The following NRXN3 variants were observed in gnomAD, a reference collection of about 807,000 sequenced individuals.
NRXN3 encodes the protein neurexin 3.
Under a neutral mutation model 137.6 loss-of-function variants are expected in NRXN3, and 32 were observed. That is an observed-to-expected ratio of 0.23 (90% CI 0.18 to 0.31). NRXN3 has a LOEUF of 0.31. Among genes scored for constraint, NRXN3 ranks in the 10% least tolerant of loss-of-function variants. The pLI, the probability that NRXN3 is intolerant of heterozygous loss-of-function variation, is 1.00. For synonymous variants in NRXN3, 798 were observed against 784.5 expected, an observed-to-expected ratio of 1.02 and a Z score of -0.29; for missense variants, 1,574 against 2,062.5, an observed-to-expected ratio of 0.76 and a Z score of 4.59.
At chr14:78,757,496 C>G (rs1208100955) in intron 8 of NRXN3, among the ~76,000 whole-genome samples, 2 of 151,850 alleles carry the variant, frequency 1.3e-5, no homozygotes, top group East Asian at 1.9e-4. Flanking sequence ...TTAGGAAAGG[C>G]TAGGCCTCAG....
At chr14:78,191,982 A>T (rs575257557) in intron 1 of NRXN3, among the ~76,000 whole-genome samples, 13 of 152,006 alleles carry the variant, frequency 8.6e-5, no homozygotes, top group African/African-American at 2.9e-4. Context: ...GAGGTACAAA[A>T]TCCTGGTATT....
At chr14:78,816,346 T>C (rs1227905887) in intron 10 of NRXN3, among the ~76,000 whole-genome samples, 2 of 152,154 alleles carry the variant, frequency 1.3e-5, no homozygotes, top group Non-Finnish European at 2.9e-5. Context: ...CCTATGAGTA[T>C]ACAACATATA....
intron 4 of NRXN3, among the ~76,000 whole-genome samples, chr14:78,412,003 A>G (rs1328079982): frequency 6.6e-6 from 1 of 152,164 alleles, no homozygotes; most frequent in Non-Finnish European, 1.5e-5. Context: ...TCTATTTCTC[A>G]ATTTCTTATT....
At chr14:79,695,128 C>A (rs1409950939) in intron 18 of NRXN3, among the ~76,000 whole-genome samples, 1 of 151,854 alleles carries the variant, frequency 6.6e-6, no homozygotes, top group Non-Finnish European at 1.5e-5. Flanking sequence ...CTTGAACAGG[C>A]AAAGAGCACT....
rs1487805814 is a variant in NRXN3, at chr14:78,452,924, A to C, written c.757+155064A>C. On this transcript the variant is annotated intron_variant, in intron 4 of 20. Transcript: ENST00000335750. ...TAGAAAAAAAATAAGTGGCTACTTC[A>C]TAAAATATGTTAATTAACCATTGAT... is the stretch of plus-strand genomic sequence containing the variant. Among the ~76,000 whole-genome samples the C allele has an allele frequency of 2.6e-5, 4 of 152,386 alleles. No individual in the cohort carries two copies. The East Asian group carries it at 7.7e-4, about 29-fold the overall frequency.
At chr14:79,656,614 C>G (rs1309972277) in intron 16 of NRXN3, among the ~76,000 whole-genome samples, 1 of 145,676 alleles carries the variant, frequency 6.9e-6, no homozygotes, top group East Asian at 2.0e-4. Context: ...CTCTCTCTCT[C>G]TCTTTTTTTT....
At position 78,419,961 on chromosome 14, in the gene NRXN3, G is replaced by GCGCGCACACACACACACA. The variant is rs1555518606; in HGVS notation, c.757+122102_757+122103insGCGCACACACACACACAC. ...CACGTGTGTGCGCGCGCGCGCGCAC[G>GCGCGCACACACACACACA]CACACACACACACACACACACACAC... On this transcript the variant is annotated intron_variant, in intron 4 of 20. Coordinates refer to ENST00000335750, the MANE Select transcript of NRXN3 (RefSeq NM_001330195.2). Among the ~76,000 whole-genome samples the GCGCGCACACACACACACA allele has an allele frequency of 7.1e-3, 351 of 49,230 alleles. 2 individuals are homozygous for GCGCGCACACACACACACA. The highest frequency in any genetic ancestry group is 0.015 in the African/African-American group (333 of 22,452). The allele number at this position is 49,230 out of a possible 152,430, so 32.3% of individuals were successfully genotyped here. A position where few individuals can be genotyped will look rare whatever the true frequency, so the allele number is the denominator to read the frequency against.
chr14:78,911,523 G>A (rs532970641), intron 10 of NRXN3, among the ~76,000 whole-genome samples: 1 of 152,304 alleles, frequency 6.6e-6, no homozygotes, highest in South Asian at 2.1e-4. Flanking sequence ...CCACAGAGCT[G>A]AGGACATAAG....
At chr14:79,805,679 T>C (rs2099201776) in intron 20 of NRXN3, among the ~76,000 whole-genome samples, 1 of 152,164 alleles carries the variant, frequency 6.6e-6, no homozygotes, top group Non-Finnish European at 1.5e-5. Flanking sequence ...GAACCAAAAA[T>C]ATATGTATAT....
intron 1 of NRXN3, among the ~76,000 whole-genome samples, chr14:78,238,978 T>C (rs2066718733): frequency 6.6e-6 from 1 of 152,260 alleles, no homozygotes; most frequent in Admixed American, 6.5e-5. Flanking sequence ...ACTAAGCATG[T>C]GCTGCTTTGC....
intron 15 of NRXN3, among the ~76,000 whole-genome samples, chr14:79,390,451 T>C (rs994790852): frequency 2.6e-5 from 4 of 152,168 alleles, no homozygotes; most frequent in African/African-American, 9.7e-5. Flanking sequence ...ACAGTGTAAG[T>C]TGAATCATAC....
At chr14:78,543,229 A>G (rs972336974) in intron 4 of NRXN3, among the ~76,000 whole-genome samples, 1 of 152,180 alleles carries the variant, frequency 6.6e-6, no homozygotes, top group African/African-American at 2.4e-5. Context: ...CTAAATTTGT[A>G]TGAATTGATG....
intron 16 of NRXN3, among the ~76,000 whole-genome samples, chr14:79,485,319 G>A (rs1351871809): frequency 1.3e-5 from 2 of 152,108 alleles, no homozygotes; most frequent in Non-Finnish European, 2.9e-5. Flanking sequence ...CCATCCTTAA[G>A]AGAGTAAAGA....
chr14:78,340,862 G>A (rs944464459), intron 4 of NRXN3, among the ~76,000 whole-genome samples: 1 of 152,118 alleles, frequency 6.6e-6, no homozygotes. Flanking sequence ...AGCCACATTC[G>A]AAGGCAAACT....
chr14:78,692,632 T>G (rs925284603), intron 6 of NRXN3, among the ~76,000 whole-genome samples: 2 of 152,196 alleles, frequency 1.3e-5, no homozygotes, highest in Non-Finnish European at 2.9e-5. Flanking sequence ...GGGAGTCAGA[T>G]GGACTTGAGT....
chr14:79,856,211 T>G (rs1281747847), intron 20 of NRXN3, among the ~76,000 whole-genome samples: 1 of 152,158 alleles, frequency 6.6e-6, no homozygotes, highest in African/African-American at 2.4e-5. Context: ...ACACTTGAGT[T>G]TTTCTACTGT....
At chr14:79,529,178 A>C (rs1430468450) in intron 16 of NRXN3, among the ~76,000 whole-genome samples, 2 of 152,144 alleles carry the variant, frequency 1.3e-5, no homozygotes, top group Non-Finnish European at 2.9e-5. Context: ...TTAATGGCTC[A>C]CAACACTAAA....
Position 79,692,234 on chromosome 14 carries a change from G to A in NRXN3, c.3678G>A (p.Arg1226=). The A allele has an allele frequency of 6.2e-7, 1 of 1,609,696 alleles. No homozygotes were observed. Among genetic ancestry groups the A allele is most frequent in the Non-Finnish European group, 8.5e-7 (1 of 1,177,916 alleles). The part of the protein sequence containing the change: ...VKQKIPFKYN[R]PVEEWLQEKG... Reference sequence around the variant, plus strand: ...AGAAAATCCCCTTCAAATATAATCGGCCTGTAGAGGAGTGGCTGCAGGAAA... The same window carrying A: ...AGAAAATCCCCTTCAAATATAATCGACCTGTAGAGGAGTGGCTGCAGGAAA... Residue 1226 remains arginine (R), a synonymous_variant, in exon 18 of 21, where the codon CGG becomes CGA. Coordinates refer to ENST00000335750, the MANE Select transcript of NRXN3 (RefSeq NM_001330195.2).
chr14:79,832,599 C>T (rs4903882), intron 20 of NRXN3, among the ~76,000 whole-genome samples: 138,491 of 152,104 alleles, frequency 0.91, 63,081 homozygotes, highest in East Asian at 1. Context: ...GGGGTGTTGC[C>T]AAATAGCCTA....
Sources: allele counts gnomAD v4.1 joint callset (sites outside exome capture counted in the v4.1 genomes callset), GRCh38; gene constraint gnomAD v4.1.1; transcripts MANE v1.5; gene names NCBI Gene and HGNC (gene_info 2026-07-23, HGNC 2026-07-21).